PAK1: variants seen among roughly 807,000 people sequenced by gnomAD.
PAK1 encodes serine/threonine-protein kinase PAK 1.
PAK1 carries 29 observed loss-of-function variants against 67.4 expected under a neutral mutation model. The ratio of observed to expected loss-of-function variants is 0.43; its 90% CI spans 0.32 to 0.59. The LOEUF (loss-of-function observed/expected upper bound fraction) is 0.59, where lower values mean the gene tolerates loss of function less well. Among genes scored for constraint, PAK1 ranks in the 20% least tolerant of loss-of-function variants. The pLI is 0.07. For missense variants in PAK1, 337 were observed against 670.7 expected, an observed-to-expected ratio of 0.50 and a Z score of 5.50; for synonymous variants, 223 against 237.4, an observed-to-expected ratio of 0.94 and a Z score of 0.56.
At chr11:77,347,130 T>G (rs868408656) in intron 9 of PAK1, 8 of 454,790 alleles carry the variant, frequency 1.8e-5, no homozygotes, top group Middle Eastern at 3.3e-4. Flanking sequence ...GCCACCCTGA[T>G]GGACTCCCTT....
chr11:77,434,632 T>C (rs1481368045), intron 1 of PAK1, among the ~76,000 whole-genome samples: 1 of 151,530 alleles, frequency 6.6e-6, no homozygotes, highest in Non-Finnish European at 1.5e-5. Flanking sequence ...TATTTACTTA[T>C]TTATTGAGAC....
chr11:77,352,305 G>C (rs1334971690), intron 8 of PAK1, among the ~76,000 whole-genome samples: 1 of 152,040 alleles, frequency 6.6e-6, no homozygotes, highest in Non-Finnish European at 1.5e-5. Context: ...AATCAAATGA[G>C]ACAGTATCTG....
At chr11:77,521,915 C>A in the PAK1 span, among the ~76,000 whole-genome samples, 1 of 152,166 alleles carries the variant, frequency 6.6e-6, no homozygotes, top group African/African-American at 2.4e-5. Flanking sequence ...GCAGGGTTAG[C>A]CGAAAATGTA....
chr11:77,413,729 G>A (rs1264155309), intron 1 of PAK1, among the ~76,000 whole-genome samples: 4 of 149,812 alleles, frequency 2.7e-5, no homozygotes, highest in African/African-American at 9.8e-5. Context: ...AGGAAGGAAG[G>A]AAGAAAAGAA....
intron 14 of PAK1, 61 bp downstream of exon 14, chr11:77,332,669 T>C (rs1941916339): frequency 7.1e-7 from 1 of 1,416,622 alleles, no homozygotes; most frequent in Non-Finnish European, 9.9e-7. Context: ...AAACATGAAG[T>C]AAAAAAGGCC....
chr11:77,480,498 C>T, the PAK1 span, among the ~76,000 whole-genome samples: 252 of 142,394 alleles, frequency 1.8e-3, no homozygotes, highest in Middle Eastern at 3.8e-3. Context: ...AAAGATAATT[C>T]TATTGTCTGA....
intron 1 of PAK1, among the ~76,000 whole-genome samples, chr11:77,425,358 C>T (rs910106859): frequency 7.0e-6 from 1 of 142,310 alleles, no homozygotes; most frequent in African/African-American, 2.8e-5. Flanking sequence ...TGGTGTTCTA[C>T]TCGGTCAGCC....
intron 5 of PAK1, among the ~76,000 whole-genome samples, chr11:77,363,036 G>A (rs181943029): frequency 4.6e-5 from 7 of 152,144 alleles, no homozygotes; most frequent in Non-Finnish European, 5.9e-5. Flanking sequence ...AACAGGTCAG[G>A]TTTTTAACAG....
At chr11:77,460,982 A>C (rs545543300) in intron 1 of PAK1, among the ~76,000 whole-genome samples, 1 of 152,214 alleles carries the variant, frequency 6.6e-6, no homozygotes, top group Non-Finnish European at 1.5e-5. Context: ...ACAGGCAGAA[A>C]ACTAGGCTTG....
Position 77,461,916 on chromosome 11 carries a change from A to G in PAK1, c.-22+11636T>C, listed in dbSNP as rs776095769. On this transcript the variant is annotated intron_variant, in intron 1 of 14. Transcript: ENST00000356341. ...AGAGCTGACCCACTAGAAGACAAATAGGCCTTCAAGGGTCTCAGTCCAATG... is the reference window on the plus strand; with the variant it reads ...AGAGCTGACCCACTAGAAGACAAATGGGCCTTCAAGGGTCTCAGTCCAATG... 1.1e-4 allele frequency among the ~76,000 whole-genome samples: 16 copies of G among 152,248 alleles called. 1 individual carries two copies. Among genetic ancestry groups the G allele is most frequent in the Non-Finnish European group, 1.5e-4 (10 of 68,040 alleles).
intron 1 of PAK1, among the ~76,000 whole-genome samples, chr11:77,454,520 C>CT (rs113724691): frequency 0.016 from 2,342 of 149,232 alleles, 49 homozygotes; most frequent in African/African-American, 0.054. Flanking sequence ...AGAGCCCAGA[C>CT]TTTTTTTTTT....
chr11:77,440,893 C>T (rs895003326), intron 1 of PAK1, among the ~76,000 whole-genome samples: 1 of 150,292 alleles, frequency 6.7e-6, no homozygotes, highest in African/African-American at 2.5e-5. Flanking sequence ...GCTCCTCCCA[C>T]CTCTACCTCC....
Position 77,358,730 on chromosome 11 carries a change from T to G in PAK1, c.597+168A>C. ...TAAATAAACACATGATTTTTTGTCT[T>G]TAATCATACAGAAAGTACCTTTAGT... On this transcript the variant is annotated intron_variant, in intron 6 of 14. Transcript: ENST00000356341. 1.1e-5 allele frequency: 8 copies of G among 699,050 alleles called. No homozygotes were observed. The South Asian group carries it at 1.2e-4, about 11-fold the overall frequency. The allele number at this position is 699,050 out of a possible 1,614,324, so 43.3% of individuals were successfully genotyped here. A position where few individuals can be genotyped will look rare whatever the true frequency, so the allele number is the denominator to read the frequency against.
the PAK1 span, among the ~76,000 whole-genome samples, chr11:77,528,328 CT>C: frequency 0.031 from 4,580 of 147,058 alleles, 224 homozygotes; most frequent in African/African-American, 0.11. Context: ...CAAAAAATAA[CT>C]TTTTTTTTTG....
chr11:77,453,386 T>C (rs1956944028), intron 1 of PAK1, among the ~76,000 whole-genome samples: 1 of 152,018 alleles, frequency 6.6e-6, no homozygotes, highest in African/African-American at 2.4e-5. Flanking sequence ...GGAAAAATTA[T>C]TTCCCTGTCT....
intron 10 of PAK1, among the ~76,000 whole-genome samples, chr11:77,342,749 C>T (rs907759380): frequency 6.6e-6 from 1 of 152,092 alleles, no homozygotes; most frequent in Non-Finnish European, 1.5e-5. Flanking sequence ...AACAAGAAGG[C>T]GCCCTTATGA....
the PAK1 span, among the ~76,000 whole-genome samples, chr11:77,499,804 C>CAT: frequency 6.6e-6 from 1 of 152,170 alleles, no homozygotes; most frequent in African/African-American, 2.4e-5. Flanking sequence ...TGCACACACA[C>CAT]ACACACATAC....
chr11:77,362,891 G>C (rs1276436440), intron 5 of PAK1, among the ~76,000 whole-genome samples: 1 of 152,176 alleles, frequency 6.6e-6, no homozygotes, highest in African/African-American at 2.4e-5. Flanking sequence ...AAATGGCGAA[G>C]AACTGTACTA....
At chr11:77,506,168 T>C in the PAK1 span, among the ~76,000 whole-genome samples, 13 of 152,314 alleles carry the variant, frequency 8.5e-5, no homozygotes, top group East Asian at 2.5e-3. Flanking sequence ...CTTGCATGTT[T>C]TAACTCATTT....
Sources: allele counts gnomAD v4.1 joint callset (sites outside exome capture counted in the v4.1 genomes callset), GRCh38; gene constraint gnomAD v4.1.1; transcripts MANE v1.5; gene names NCBI Gene and HGNC (gene_info 2026-07-23, HGNC 2026-07-21).